BRD10: variants seen among roughly 807,000 people sequenced by gnomAD.
BRD10 encodes the protein uncharacterized bromodomain-containing protein 10.
chr9:5,985,652 G>T, the BRD10 span, among the ~76,000 whole-genome samples: 511 of 152,236 alleles, frequency 3.4e-3, 3 homozygotes, highest in African/African-American at 0.011. Context: ...GGGTGTGGTG[G>T]TGCTTGCCTG....
the BRD10 span, among the ~76,000 whole-genome samples, chr9:5,989,088 G>T: frequency 2.0e-5 from 3 of 151,688 alleles, no homozygotes; most frequent in Non-Finnish European, 4.4e-5. Context: ...AAATTAGCCG[G>T]GCGCGGTGGC....
the BRD10 span, among the ~76,000 whole-genome samples, chr9:5,961,194 C>A: frequency 6.6e-6 from 1 of 152,110 alleles, no homozygotes; most frequent in African/African-American, 2.4e-5. Flanking sequence ...AGGAGACAAT[C>A]CTCAAAATAA....
At chr9:5,950,869 T>A in the BRD10 span, among the ~76,000 whole-genome samples, 1 of 152,280 alleles carries the variant, frequency 6.6e-6, no homozygotes, top group African/African-American at 2.4e-5. Flanking sequence ...TTATAATACC[T>A]AATACAATAT....
the BRD10 span, chr9:5,988,391 G>A: frequency 6.2e-7 from 1 of 1,613,320 alleles, no homozygotes; most frequent in Non-Finnish European, 8.5e-7. Flanking sequence ...CTCAAAACTT[G>A]AACCATTATA....
At chr9:5,993,705 C>T in the BRD10 span, among the ~76,000 whole-genome samples, 1 of 152,130 alleles carries the variant, frequency 6.6e-6, no homozygotes, top group Non-Finnish European at 1.5e-5. Flanking sequence ...ATATGTCTGT[C>T]CTCTCTGTCC....
At chr9:5,935,029 G>A in the BRD10 span, among the ~76,000 whole-genome samples, 7 of 151,962 alleles carry the variant, frequency 4.6e-5, no homozygotes, top group African/African-American at 1.7e-4. Flanking sequence ...CACAGTTTTG[G>A]GGGTAAAACA....
At chr9:5,973,009 T>A in the BRD10 span, among the ~76,000 whole-genome samples, 10 of 152,220 alleles carry the variant, frequency 6.6e-5, no homozygotes, top group Admixed American at 6.5e-4. Flanking sequence ...AAAGGAAAAT[T>A]CTAAAGAATG....
chr9:5,983,570 A>G, the BRD10 span, among the ~76,000 whole-genome samples: 7 of 152,222 alleles, frequency 4.6e-5, no homozygotes, highest in Non-Finnish European at 1.0e-4. Context: ...TATAAAAAAC[A>G]GAACTAAATG....
At chr9:5,915,792 C>G in the BRD10 span, among the ~76,000 whole-genome samples, 3 of 152,178 alleles carry the variant, frequency 2.0e-5, no homozygotes, top group Non-Finnish European at 4.4e-5. Context: ...TCATCTATAT[C>G]GTTCCTGCAA....
At chr9:5,947,853 T>C in the BRD10 span, among the ~76,000 whole-genome samples, 1 of 152,172 alleles carries the variant, frequency 6.6e-6, no homozygotes, top group Non-Finnish European at 1.5e-5. Context: ...AAAGATTTTT[T>C]TTTAAAAAAG....
chr9:5,931,874 A>C, the BRD10 span, among the ~76,000 whole-genome samples: 1 of 152,194 alleles, frequency 6.6e-6, no homozygotes, highest in Non-Finnish European at 1.5e-5. Context: ...GGTTTAAAAA[A>C]GTTGAAAATT....
the BRD10 span, among the ~76,000 whole-genome samples, chr9:5,937,373 A>G: frequency 7.2e-5 from 11 of 151,956 alleles, no homozygotes; most frequent in Admixed American, 3.9e-4. Flanking sequence ...CATCTCTACT[A>G]AAAGTACAAA....
the BRD10 span, among the ~76,000 whole-genome samples, chr9:5,995,863 A>G: frequency 6.6e-6 from 1 of 152,220 alleles, no homozygotes; most frequent in Non-Finnish European, 1.5e-5. Flanking sequence ...ACACGCTAAC[A>G]ATTTGTACAT....
the BRD10 span, chr9:5,923,298 AC>A: frequency 6.3e-7 from 1 of 1,592,356 alleles, no homozygotes; most frequent in African/African-American, 1.4e-5. Flanking sequence ...ATTTCTGACA[AC>A]TTCATATCAT....
the BRD10 span, among the ~76,000 whole-genome samples, chr9:5,881,406 G>A: frequency 1.3e-5 from 2 of 152,218 alleles, no homozygotes; most frequent in Non-Finnish European, 2.9e-5. Context: ...CAGAGACACG[G>A]GGTGGTCCAC....
the BRD10 span, among the ~76,000 whole-genome samples, chr9:5,930,369 T>TTATATA: frequency 4.6e-4 from 63 of 135,536 alleles, 1 homozygote; most frequent in East Asian, 2.1e-3. Context: ...TATAAGGAGA[T>TTATATA]TATATATATA....
At chr9:5,893,214 G>A in the BRD10 span, among the ~76,000 whole-genome samples, 163 of 152,256 alleles carry the variant, frequency 1.1e-3, 2 homozygotes, top group Admixed American at 8.2e-3. Flanking sequence ...ATGTAAGTGC[G>A]GTAATGAAAA....
chr9:5,972,092 G>C, the BRD10 span, among the ~76,000 whole-genome samples: 2 of 152,080 alleles, frequency 1.3e-5, no homozygotes, highest in African/African-American at 4.8e-5. Context: ...AAATCTCTAA[G>C]GGAATGCACC....
At chr9:5,968,715 G>T in the BRD10 span, 1 of 1,613,756 alleles carries the variant, frequency 6.2e-7, no homozygotes, top group South Asian at 1.1e-5. Flanking sequence ...AATTTAATCC[G>T]AGGTACTCTT....
Sources: gnomAD v4.1 joint callset for allele counts (sites outside exome capture counted in the v4.1 genomes callset) on GRCh38, gnomAD v4.1.1 for gene constraint, MANE v1.5 for transcripts, NCBI Gene and HGNC (gene_info 2026-07-23, HGNC 2026-07-21) for gene names.